Variants in MAD2L1BP observed in about 807,000 individuals in gnomAD.
MAD2L1BP encodes MAD2L1-binding protein.
MAD2L1BP carries 22 observed loss-of-function variants against 28.4 expected under a neutral mutation model. That is an observed-to-expected ratio of 0.77 (90% CI 0.55 to 1.10). The LOEUF is 1.10. Ranked by LOEUF, MAD2L1BP falls within the 50% of genes least tolerant of loss-of-function variation. The pLI is 0.00. For missense variants in MAD2L1BP, 325 were observed against 350.5 expected (o/e 0.93, Z 0.58); for synonymous variants, 146 against 133.7 (o/e 1.09, Z -0.63).
At chr6:43,639,292 A>G (rs1223372284) in intron 2 of MAD2L1BP, among the ~76,000 whole-genome samples, 4 of 151,804 alleles carry the variant, frequency 2.6e-5, no homozygotes, top group African/African-American at 9.7e-5. Flanking sequence ...GGCATCCACC[A>G]CCACACTCGG....
At chr6:43,634,566 TTTTC>T (rs779591504), upstream of MAD2L1BP, among the ~76,000 whole-genome samples, 15 of 152,038 alleles carry the variant, frequency 9.9e-5, no homozygotes, top group Non-Finnish European at 1.9e-4. Flanking sequence ...TTTTTTCTTT[TTTTC>T]TTTTTTTTGA....
upstream of MAD2L1BP, among the ~76,000 whole-genome samples, chr6:43,632,140 T>G (rs1769958561): frequency 6.6e-6 from 1 of 152,068 alleles, no homozygotes; most frequent in Non-Finnish European, 1.5e-5. Context: ...CCTCAGTTGA[T>G]CCGCCTGCCT....
At chr6:43,629,562 C>T in exon 1 of MAD2L1BP, 1 of 677,094 alleles carries the variant, frequency 1.5e-6, no homozygotes, top group East Asian at 2.7e-5. Context: ...AGCCTCGAGG[C>T]CTGGGGTGGG....
upstream of MAD2L1BP, chr6:43,633,172 C>CTTTT: frequency 2.5e-5 from 10 of 393,608 alleles, no homozygotes; most frequent in Middle Eastern, 9.1e-4. Context: ...AATCATTGTA[C>CTTTT]TTTTTTTTTT....
chr6:43,635,620 G>T (rs1770157584), upstream of MAD2L1BP, among the ~76,000 whole-genome samples: 1 of 152,270 alleles, frequency 6.6e-6, no homozygotes, highest in South Asian at 2.1e-4. Context: ...AAGAGGGCTG[G>T]TGTCTTTTAG....
rs576063573 is a variant in MAD2L1BP, at chr6:43,639,867, C to T, written c.313-154C>T. On this transcript the variant is annotated intron_variant, in intron 2 of 2. Transcript: ENST00000372171. ...TATATTTTCCTTTTCAGTATAATAC[C>T]CTCTGATAAAACACAGTGTTTTGGC... Among the ~76,000 whole-genome samples the T allele has an allele frequency of 3.9e-5, 6 of 152,100 alleles. No individual in the cohort carries two copies. In the South Asian group the frequency reaches 6.2e-4, roughly 16 times the overall value.
chr6:43,632,895 A>G (rs1264288368), upstream of MAD2L1BP, among the ~76,000 whole-genome samples: 2 of 150,356 alleles, frequency 1.3e-5, no homozygotes, highest in Non-Finnish European at 2.9e-5. Flanking sequence ...GGTGGTGGGC[A>G]CCTGTAATCC....
In MAD2L1BP at chr6:43,636,453, A is replaced by T. The variant is rs1457690103; in HGVS notation, c.119A>T (p.Gln40Leu). 14 of 1,614,072 alleles carry T rather than the reference A, an allele frequency of 8.7e-6. No individual in the cohort carries two copies. Among genetic ancestry groups the T allele is most frequent in the Middle Eastern group, 1.6e-4 (1 of 6,084 alleles). The part of the protein sequence containing the change: ...QIELLETSST[Q>L]EPLNASEAFC... ...GAACTACTTGAGACAAGCTCTACGC[A>T]GGAACCTCTCAACGCTTCGGAGGCC... The change falls in exon 2 of 3, where the codon CAG becomes CTG. Residue 40 changes from glutamine to leucine, a missense_variant. Gln to Leu is a moderately radical substitution (Grantham distance 113). Coordinates refer to ENST00000372171, the MANE Select transcript of MAD2L1BP (RefSeq NM_014628.3).
Position 43,636,461 on chromosome 6 carries a change from C to G in MAD2L1BP, c.127C>G (p.Leu43Val). Residue 43 changes from leucine (L) to valine (V), a missense_variant, in exon 2 of 3, where the codon CTC becomes GTC. By Grantham distance (32) the Leu-to-Val change is conservative. Coordinates refer to ENST00000372171, the MANE Select transcript of MAD2L1BP (RefSeq NM_014628.3). ...TGAGACAAGCTCTACGCAGGAACCT[C>G]TCAACGCTTCGGAGGCCTTTTGCCC... ...LLETSSTQEP[L>V]NASEAFCPRD... 1.2e-6 allele frequency: 2 copies of G among 1,614,222 alleles called. No individual in the cohort carries two copies. The highest frequency in any genetic ancestry group is 1.7e-5 in the Admixed American group (1 of 60,016).
chr6:43,633,056 T>C, upstream of MAD2L1BP: 2 of 338,700 alleles, frequency 5.9e-6, no homozygotes, highest in Admixed American at 4.0e-5. Context: ...AAAAAACTTC[T>C]GGACTCAAGC....
chr6:43,635,875 G>A lies in MAD2L1BP; in HGVS notation c.-1G>A, dbSNP rs376946930. 4.7e-6 allele frequency: 7 copies of A among 1,480,076 alleles called. No homozygotes were observed. The highest frequency in any genetic ancestry group is 1.5e-5 in the African/African-American group (1 of 67,442). The allele number at this position is 1,480,076 out of a possible 1,614,324, so 91.7% of individuals were successfully genotyped here. A position where few individuals can be genotyped will look rare whatever the true frequency, so the allele number is the denominator to read the frequency against. The stretch of plus-strand genomic sequence containing the variant: ...CAAGGAGTAGCGGAGGGGAGGTCGT[G>A]ATGGCGGCGCCGGAGGCGGAGGTTC... On this transcript the variant is annotated 5_prime_UTR_variant, in exon 1 of 3. Coordinates refer to ENST00000372171, the MANE Select transcript of MAD2L1BP (RefSeq NM_014628.3).
intron 2 of MAD2L1BP, among the ~76,000 whole-genome samples, chr6:43,638,178 G>T (rs927457799): frequency 6.6e-6 from 1 of 151,748 alleles, no homozygotes; most frequent in Admixed American, 6.6e-5. Context: ...GATTACAGGC[G>T]TGAGCCACTG....
intron 2 of MAD2L1BP, among the ~76,000 whole-genome samples, chr6:43,639,040 C>G (rs756820389): frequency 1.3e-5 from 2 of 152,154 alleles, no homozygotes; most frequent in African/African-American, 4.8e-5. Flanking sequence ...CTTCCTAAAC[C>G]TTTCTGGGGT....
intron 2 of MAD2L1BP, chr6:43,636,882 C>G: frequency 1.9e-6 from 1 of 539,556 alleles, no homozygotes; most frequent in Non-Finnish European, 3.3e-6. Flanking sequence ...TGGCTCTTTG[C>G]ATTTTTTTCT....
chr6:43,638,532 C>G (rs1770382264), intron 2 of MAD2L1BP, among the ~76,000 whole-genome samples: 1 of 151,832 alleles, frequency 6.6e-6, no homozygotes, highest in Non-Finnish European at 1.5e-5. Context: ...CGCGGTGGCT[C>G]ACGCCTGTAA....
chr6:43,633,510 G>T (rs192486799), upstream of MAD2L1BP, among the ~76,000 whole-genome samples: 38 of 151,358 alleles, frequency 2.5e-4, no homozygotes, highest in East Asian at 6.5e-3. Flanking sequence ...TTGACCTCTG[G>T]TCCCTACTTC....
At chr6:43,629,655 C>G in exon 1 of MAD2L1BP, 1 of 1,347,868 alleles carries the variant, frequency 7.4e-7, no homozygotes, top group South Asian at 1.3e-5. Context: ...TAGCGCGGAT[C>G]CTAGACAACA....
At chr6:43,632,545 C>A (rs1769984138), upstream of MAD2L1BP, among the ~76,000 whole-genome samples, 1 of 151,900 alleles carries the variant, frequency 6.6e-6, no homozygotes, top group African/African-American at 2.4e-5. Context: ...AGGCGTGAGC[C>A]ACTATGCCCA....
At chr6:43,634,317 C>T (rs557964917), upstream of MAD2L1BP, among the ~76,000 whole-genome samples, 12 of 147,872 alleles carry the variant, frequency 8.1e-5, no homozygotes, top group Admixed American at 6.2e-4. Context: ...AACTCCTGGA[C>T]TCAAGCAATC....
Sources: allele counts gnomAD v4.1 joint callset (sites outside exome capture counted in the v4.1 genomes callset), GRCh38; gene constraint gnomAD v4.1.1; transcripts MANE v1.5; gene names NCBI Gene and HGNC (gene_info 2026-07-23, HGNC 2026-07-21).